The following NEO1 variants were observed in gnomAD, a reference collection of about 807,000 sequenced individuals.
NEO1 encodes neogenin 1.
A neutral mutation model predicts 159.7 loss-of-function variants in NEO1; 63 were observed. The ratio of observed to expected loss-of-function variants is 0.39; its 90% CI spans 0.32 to 0.49. NEO1 has a LOEUF of 0.49. NEO1 is among the 20% of genes least tolerant of loss of function. The pLI is 0.85. For missense variants in NEO1, 1,615 were observed against 1,831.0 expected (o/e 0.88, Z 2.15); for synonymous variants, 633 against 662.0 (o/e 0.96, Z 0.67).
rs1232739270 is a variant in NEO1 at position 73,260,295 on chromosome 15, G to A, written c.2228G>A (p.Ser743Asn). The change falls in exon 15 of 29, where the codon AGC becomes AAC. Residue 743 changes from serine to asparagine, a missense_variant. Ser to Asn is a conservative substitution (Grantham distance 46). Coordinates refer to ENST00000261908, the MANE Select transcript of NEO1 (RefSeq NM_002499.4). ...GAAACTCGTGTTCCTGAAGTGCCTA[G>A]CTCTCTTCACGTACGCCCGCTCGTT... is the stretch of plus-strand genomic sequence containing the variant. ...LDETRVPEVP[S>N]SLHVRPLVTS... 1.2e-6 allele frequency: 2 copies of A among 1,613,436 alleles called. No individual in the cohort carries two copies. The highest frequency in any genetic ancestry group is 1.7e-5 in the Admixed American group (1 of 59,984).
At chr15:73,095,209 A>C (rs892257843) in intron 1 of NEO1, among the ~76,000 whole-genome samples, 16 of 108,656 alleles carry the variant, frequency 1.5e-4, no homozygotes, top group African/African-American at 8.3e-4. Flanking sequence ...CTCTGTCTTA[A>C]AAAAAAAAAA....
At chr15:73,116,902 AACAT>A (rs2071357138) in intron 2 of NEO1, 45 bp downstream of exon 2, 1 of 1,410,070 alleles carries the variant, frequency 7.1e-7, no homozygotes, top group Non-Finnish European at 9.6e-7. Flanking sequence ...AAATATTTAT[AACAT>A]ACATCTTGAT....
chr15:73,281,356 G>A (rs1319747146), intron 22 of NEO1, among the ~76,000 whole-genome samples: 2 of 151,284 alleles, frequency 1.3e-5, no homozygotes, highest in Non-Finnish European at 2.9e-5. Context: ...CCAGGTTCGC[G>A]CCATTCTGCT....
chr15:73,074,658 A>G, intron 1 of NEO1, among the ~76,000 whole-genome samples: 1 of 152,200 alleles, frequency 6.6e-6, no homozygotes, highest in East Asian at 1.9e-4. Context: ...TTGAAGTAGT[A>G]TAGGCACATG....
intron 2 of NEO1, 109 bp downstream of exon 2, chr15:73,116,966 A>C: frequency 2.4e-6 from 2 of 839,210 alleles, no homozygotes; most frequent in South Asian, 3.8e-5. Context: ...CAACAAATAT[A>C]CTCATTTAAC....
chr15:73,156,338 G>A (rs2033771475), intron 5 of NEO1, among the ~76,000 whole-genome samples: 1 of 152,206 alleles, frequency 6.6e-6, no homozygotes, highest in South Asian at 2.1e-4. Context: ...TCCTTCAGTG[G>A]TAGTGGTGGT....
chr15:73,147,996 T>C (rs1471538221), intron 5 of NEO1, among the ~76,000 whole-genome samples: 1 of 152,074 alleles, frequency 6.6e-6, no homozygotes, highest in Non-Finnish European at 1.5e-5. Context: ...GTAGTTTTGC[T>C]AGAGACGGGT....
chr15:73,200,213 A>C (rs2036782847), intron 7 of NEO1, among the ~76,000 whole-genome samples: 1 of 152,180 alleles, frequency 6.6e-6, no homozygotes, highest in Non-Finnish European at 1.5e-5. Context: ...AAGTTTGTTT[A>C]ATAGACATAG....
At chr15:73,133,364 T>A (rs2031369151) in intron 4 of NEO1, among the ~76,000 whole-genome samples, 2 of 152,134 alleles carry the variant, frequency 1.3e-5, no homozygotes, top group Middle Eastern at 3.4e-3. Context: ...TGCAAAGGCA[T>A]AAGAATGGTA....
At chr15:73,116,249 T>C (rs1567226805) in intron 1 of NEO1, among the ~76,000 whole-genome samples, 1 of 152,310 alleles carries the variant, frequency 6.6e-6, no homozygotes, top group South Asian at 2.1e-4. Context: ...TAAATCTGAT[T>C]CTAGGGTTTG....
At chr15:73,213,144 ACTAC>A (rs2037676108) in intron 7 of NEO1, among the ~76,000 whole-genome samples, 2 of 152,228 alleles carry the variant, frequency 1.3e-5, no homozygotes, top group African/African-American at 4.8e-5. Flanking sequence ...GATGAAATAG[ACTAC>A]CTACAGCAGT....
At chr15:73,121,085 C>G (rs2071619150) in intron 2 of NEO1, among the ~76,000 whole-genome samples, 1 of 152,104 alleles carries the variant, frequency 6.6e-6, no homozygotes, top group Admixed American at 6.6e-5. Flanking sequence ...CAAGGACATT[C>G]TCCTAGATAA....
intron 1 of NEO1, among the ~76,000 whole-genome samples, chr15:73,099,639 C>T (rs2070287624): frequency 6.6e-6 from 1 of 152,182 alleles, no homozygotes; most frequent in Non-Finnish European, 1.5e-5. Context: ...ACAGCAGAAG[C>T]TTTCAATAAA....
At chr15:73,129,202 A>C (rs1281754477) in intron 4 of NEO1, among the ~76,000 whole-genome samples, 1 of 152,218 alleles carries the variant, frequency 6.6e-6, no homozygotes, top group African/African-American at 2.4e-5. Flanking sequence ...ATGTTGGAAA[A>C]TATAAGTGAA....
At chr15:73,084,987 A>G (rs2069273897) in intron 1 of NEO1, among the ~76,000 whole-genome samples, 1 of 152,220 alleles carries the variant, frequency 6.6e-6, no homozygotes. Flanking sequence ...TGGAGAAACA[A>G]AGCAACTGGA....
chr15:73,202,717 G>T (rs908757949), intron 7 of NEO1, among the ~76,000 whole-genome samples: 4 of 152,114 alleles, frequency 2.6e-5, no homozygotes, highest in African/African-American at 9.7e-5. Flanking sequence ...ATTCTGTTGT[G>T]CAGCTATCAC....
intron 7 of NEO1, among the ~76,000 whole-genome samples, chr15:73,230,529 C>T (rs936717136): frequency 2.6e-5 from 4 of 152,152 alleles, no homozygotes; most frequent in Non-Finnish European, 5.9e-5. Context: ...CTACATTTCC[C>T]TTAAAGCACC....
At chr15:73,272,735 G>C (rs772655836) in intron 19 of NEO1, among the ~76,000 whole-genome samples, 173 bp downstream of exon 19, 1 of 152,034 alleles carries the variant, frequency 6.6e-6, no homozygotes, top group East Asian at 1.9e-4. Context: ...TGTGCTGGTC[G>C]CCCATAGCGG....
At position 73,278,167 on chromosome 15, in the gene NEO1, A is replaced by G; in HGVS notation, c.3230A>G (p.Asp1077Gly). 1 of 1,613,210 alleles carries G rather than the reference A, an allele frequency of 6.2e-7. No homozygotes were observed. Among genetic ancestry groups the G allele is most frequent in the Non-Finnish European group, 8.5e-7 (1 of 1,179,338 alleles). Residue 1077 changes from aspartate (D) to glycine (G), a missense_variant, in exon 22 of 29, where the codon GAC (aspartate) becomes GGC (glycine). By Grantham distance (94) the Asp-to-Gly change is moderately conservative (BLOSUM62 -1). This residue lies in a region of NEO1 where 471 missense variants were observed against 498.9 expected (regional missense o/e 0.94). Coordinates refer to ENST00000261908, the MANE Select transcript of NEO1 (RefSeq NM_002499.4). ...GGAGGGAAAGGAAGCCGGCTGCCAG[A>G]CCTAGGATCCGACTACAAACCTCCA... ...GSGGKGSRLP[D>G]LGSDYKPPMS...
Sources: gnomAD v4.1 joint callset for allele counts (sites outside exome capture counted in the v4.1 genomes callset) on GRCh38, gnomAD v4.1.1 for gene constraint, gnomAD v4.1.1 regional missense constraint, MANE v1.5 for transcripts, NCBI Gene and HGNC (gene_info 2026-07-23, HGNC 2026-07-21) for gene names.